Variants in NT5DC1 observed in about 807,000 individuals in gnomAD.
NT5DC1 encodes the protein 5'-nucleotidase domain-containing protein 1.
A neutral mutation model predicts 59.4 loss-of-function variants in NT5DC1; 42 were observed. That is an observed-to-expected ratio of 0.71 (90% confidence interval 0.55 to 0.92). NT5DC1 has a LOEUF of 0.92. Ranked by LOEUF, NT5DC1 falls within the 40% of genes least tolerant of loss-of-function variation. NT5DC1 has a pLI of 0.00. For synonymous variants in NT5DC1, 172 were observed against 188.1 expected (o/e 0.91, Z 0.70); for missense variants, 501 against 537.1 (o/e 0.93, Z 0.66).
intron 6 of NT5DC1, among the ~76,000 whole-genome samples, chr6:116,122,953 C>T (rs987448575): frequency 6.6e-6 from 1 of 151,628 alleles, no homozygotes. Context: ...AAAAGATTTC[C>T]GTATATTAAA....
chr6:116,242,282 G>A (rs1177544046), intron 11 of NT5DC1, among the ~76,000 whole-genome samples: 1 of 150,998 alleles, frequency 6.6e-6, no homozygotes, highest in Non-Finnish European at 1.5e-5. Context: ...GCGTGAACCC[G>A]GGAGGCGGAG....
At chr6:116,166,738 A>C (rs1025597160) in intron 6 of NT5DC1, among the ~76,000 whole-genome samples, 1 of 152,232 alleles carries the variant, frequency 6.6e-6, no homozygotes, top group African/African-American at 2.4e-5. Context: ...AAAGTTTCAG[A>C]GACTTTTCAT....
intron 6 of NT5DC1, among the ~76,000 whole-genome samples, chr6:116,190,090 A>G (rs1235907166): frequency 1.3e-5 from 2 of 151,922 alleles, no homozygotes; most frequent in Non-Finnish European, 2.9e-5. Flanking sequence ...GGGAATAGCA[A>G]TATCTATCAC....
chr6:116,142,238 G>A lies in NT5DC1; in HGVS notation c.529+24293G>A, dbSNP rs185368774. On this transcript the variant is annotated intron_variant, in intron 6 of 11. Coordinates refer to ENST00000319550, the MANE Select transcript of NT5DC1 (RefSeq NM_152729.3). ...TGGGACCAAATTTAGTAATTTAATT[G>A]TAAAAGACAAAACACCATAAACTAT... 8.6e-5 allele frequency among the ~76,000 whole-genome samples: 13 copies of A among 151,376 alleles called. 1 individual carries two copies. The highest frequency in any genetic ancestry group is 8.6e-4 in the Admixed American group (13 of 15,202).
At chr6:116,129,969 C>G (rs1456941675) in intron 6 of NT5DC1, among the ~76,000 whole-genome samples, 1 of 152,030 alleles carries the variant, frequency 6.6e-6, no homozygotes, top group Non-Finnish European at 1.5e-5. Flanking sequence ...TGGCAAGAAC[C>G]CTTTACAGAG....
At position 116,245,502 on chromosome 6, in the gene NT5DC1, C is replaced by T. The variant is rs753394812; in HGVS notation, c.*1478C>T. Reference sequence around the variant, plus strand: ...AAAAATCACTGAAATTTTTCCCTCACAGTCAGTAGCTTTGTTTGATATTTA... The same window carrying T: ...AAAAATCACTGAAATTTTTCCCTCATAGTCAGTAGCTTTGTTTGATATTTA... On this transcript the variant is annotated 3_prime_UTR_variant, in exon 12 of 12. Coordinates refer to ENST00000319550, the MANE Select transcript of NT5DC1 (RefSeq NM_152729.3). 6.6e-6 allele frequency: 1 copy of T among 152,514 alleles called. No individual in the cohort carries two copies. Among genetic ancestry groups the T allele is most frequent in the Non-Finnish European group, 1.5e-5 (1 of 68,002 alleles). The allele number at this position is 152,514 out of a possible 1,614,324, so 9.4% of individuals were successfully genotyped here.
At position 116,106,434 on chromosome 6, in the gene NT5DC1, A is replaced by T. The variant is rs1028834593; in HGVS notation, c.185+99A>T. 1.7e-5 allele frequency: 11 copies of T among 652,678 alleles called. No individual in the cohort carries two copies. The Admixed American group carries it at 2.9e-4, about 17-fold the overall frequency. 40.4% of individuals were successfully genotyped at this position (652,678 alleles called of 1,614,324 possible). ...AATGCTTTCTCTTCTAAGAAGATGG[A>T]ATGTGAAATGTGAGATTGAGTCAAA... is the stretch of plus-strand genomic sequence containing the variant. On this transcript the variant is annotated intron_variant, in intron 2 of 11. Coordinates refer to ENST00000319550, the MANE Select transcript of NT5DC1 (RefSeq NM_152729.3).
intron 6 of NT5DC1, among the ~76,000 whole-genome samples, chr6:116,130,109 A>G (rs768322851): frequency 4.6e-5 from 7 of 152,240 alleles, no homozygotes; most frequent in Non-Finnish European, 8.8e-5. Context: ...TGATTTTATC[A>G]TTTGTATTTT....
intron 6 of NT5DC1, among the ~76,000 whole-genome samples, chr6:116,138,539 G>GTTCTTTATTATCTCTTAGT (rs1779681696): frequency 6.6e-6 from 1 of 151,888 alleles, no homozygotes; most frequent in African/African-American, 2.4e-5. Flanking sequence ...AATTAAAAAC[G>GTTCTTTATTATCTCTTAGT]AAGCTAATTG....
At chr6:116,172,021 T>C (rs1245956903) in intron 6 of NT5DC1, among the ~76,000 whole-genome samples, 3 of 152,106 alleles carry the variant, frequency 2.0e-5, no homozygotes, top group African/African-American at 7.2e-5. Flanking sequence ...TGTAGAAAGA[T>C]TAAGAGGAAG....
At chr6:116,230,853 TTC>T (rs1483650177) in intron 8 of NT5DC1, among the ~76,000 whole-genome samples, 1 of 152,128 alleles carries the variant, frequency 6.6e-6, no homozygotes, top group Non-Finnish European at 1.5e-5. Context: ...GCAGGAATCT[TTC>T]TGTCTTTAGC....
chr6:116,228,856 C>T (rs1042169673), intron 8 of NT5DC1, among the ~76,000 whole-genome samples: 2 of 152,098 alleles, frequency 1.3e-5, no homozygotes, highest in African/African-American at 4.8e-5. Flanking sequence ...TTGATATTCC[C>T]TAACATTCTG....
intron 8 of NT5DC1, among the ~76,000 whole-genome samples, chr6:116,228,913 C>G (rs575483280): frequency 6.6e-6 from 1 of 152,290 alleles, no homozygotes; most frequent in South Asian, 2.1e-4. Context: ...CTCTCTACCA[C>G]TGGGAAGCTT....
At chr6:116,148,412 C>T (rs1779951103) in intron 6 of NT5DC1, among the ~76,000 whole-genome samples, 1 of 152,108 alleles carries the variant, frequency 6.6e-6, no homozygotes, top group Non-Finnish European at 1.5e-5. Flanking sequence ...AGATTGTCTA[C>T]TTTTTGGAAC....
chr6:116,134,539 G>T (rs1779541786), intron 6 of NT5DC1, among the ~76,000 whole-genome samples: 1 of 152,142 alleles, frequency 6.6e-6, no homozygotes, highest in African/African-American at 2.4e-5. Flanking sequence ...AGAGCGTCAG[G>T]ACATCAGATT....
At chr6:116,184,233 C>T (rs1222458388) in intron 6 of NT5DC1, among the ~76,000 whole-genome samples, 2 of 152,014 alleles carry the variant, frequency 1.3e-5, no homozygotes, top group African/African-American at 2.4e-5. Context: ...ACTATCCCTG[C>T]GTCCCTCATA....
intron 6 of NT5DC1, among the ~76,000 whole-genome samples, chr6:116,144,654 T>A (rs1779850844): frequency 6.6e-6 from 1 of 152,200 alleles, no homozygotes; most frequent in Admixed American, 6.5e-5. Context: ...AAACGGACTC[T>A]TAGATTTTAT....
At chr6:116,162,247 T>A (rs1053821759) in intron 6 of NT5DC1, among the ~76,000 whole-genome samples, 5 of 152,188 alleles carry the variant, frequency 3.3e-5, no homozygotes, top group South Asian at 2.1e-4. Context: ...CTTCCACTTT[T>A]CCGATTTGGA....
intron 6 of NT5DC1, among the ~76,000 whole-genome samples, chr6:116,155,249 T>C (rs1308625342): frequency 6.6e-6 from 1 of 151,768 alleles, no homozygotes; most frequent in Non-Finnish European, 1.5e-5. Context: ...TTACATGTTA[T>C]ATAGTTTCCT....
Sources: allele counts gnomAD v4.1 joint callset (sites outside exome capture counted in the v4.1 genomes callset), GRCh38; gene constraint gnomAD v4.1.1; transcripts MANE v1.5; gene names NCBI Gene and HGNC (gene_info 2026-07-23, HGNC 2026-07-21).